The following TJP2 variants were observed in gnomAD, a reference collection of about 807,000 sequenced individuals.
TJP2 encodes tight junction protein 2, also known as Friedreich ataxia region gene X104 (tight junction protein ZO-2).
Under a neutral mutation model 133.1 loss-of-function variants are expected in TJP2, and 91 were observed. The observed-to-expected ratio is 0.68, with a 90% CI of 0.58 to 0.81. The LOEUF (loss-of-function observed/expected upper bound fraction) is 0.81, where lower values mean the gene tolerates loss of function less well. Among genes scored for constraint, TJP2 ranks in the 40% least tolerant of loss-of-function variants. The pLI is 0.00. For synonymous variants in TJP2, 592 were observed against 583.4 expected (o/e 1.01, Z -0.21); for missense variants, 1,541 against 1,565.6 (o/e 0.98, Z 0.26).
In TJP2 at chr9:69,236,096, A is replaced by C; in HGVS notation, c.1849A>C (p.Lys617Gln). Reference protein sequence around the residue: ...FFIRSHFECEKETPQSLAFTR... With the variant: ...FFIRSHFECEQETPQSLAFTR... ...TATAAGAAGCCACTTTGAATGTGAG[A>C]AGGAAACTCCACAGAGCCTGGCCTT... Residue 617 changes from lysine (K) to glutamine (Q), a missense_variant, in exon 13 of 23, where the codon AAG (lysine) becomes CAG (glutamine). By Grantham distance (53) the Lys-to-Gln change is moderately conservative. Transcript: ENST00000377245. The C allele has an allele frequency of 6.2e-7, 1 of 1,614,142 alleles. No individual in the cohort carries two copies. The highest frequency in any genetic ancestry group is 8.5e-7 in the Non-Finnish European group (1 of 1,180,016).
intron 8 of TJP2, 28 bp downstream of exon 8, chr9:69,227,901 C>T: frequency 6.2e-7 from 1 of 1,611,984 alleles, no homozygotes; most frequent in Non-Finnish European, 8.5e-7. Context: ...TTCTCTTGTA[C>T]ATGTCATTGT....
intron 6 of TJP2, among the ~76,000 whole-genome samples, chr9:69,225,634 AT>A (rs1829289363): frequency 6.6e-6 from 1 of 152,150 alleles, no homozygotes; most frequent in African/African-American, 2.4e-5. Context: ...CTCCATGAAT[AT>A]TTTCTTCTTT....
intron 2 of TJP2, among the ~76,000 whole-genome samples, chr9:69,215,918 A>G (rs1044355259): frequency 1.3e-5 from 2 of 152,184 alleles, no homozygotes; most frequent in African/African-American, 4.8e-5. Flanking sequence ...AACAAATACA[A>G]TAAGGAAATC....
At chr9:69,252,070 C>A (rs1208487917) in intron 21 of TJP2, among the ~76,000 whole-genome samples, 1 of 152,178 alleles carries the variant, frequency 6.6e-6, no homozygotes, top group African/African-American at 2.4e-5. Flanking sequence ...TCACAGCTCG[C>A]AGCAGCCTCC....
At chr9:69,154,331 C>T (rs1195874798) in intron 2 of TJP2, among the ~76,000 whole-genome samples, 4 of 152,146 alleles carry the variant, frequency 2.6e-5, no homozygotes, top group Non-Finnish European at 5.9e-5. Flanking sequence ...TGGCAATGTC[C>T]GGCGTGGGTG....
intron 4 of TJP2, 78 bp from the exon 5 acceptor site, chr9:69,220,809 C>T: frequency 7.0e-7 from 1 of 1,432,492 alleles, no homozygotes; most frequent in Non-Finnish European, 9.8e-7. Flanking sequence ...GAAACCAGAA[C>T]CAGGGCTCTT....
intron 5 of TJP2, among the ~76,000 whole-genome samples, chr9:69,223,534 C>T (rs927548314): frequency 6.6e-6 from 1 of 152,320 alleles, no homozygotes; most frequent in Non-Finnish European, 1.5e-5. Flanking sequence ...GTCTCGATCT[C>T]CTGACCTCAT....
At chr9:69,175,365 T>C (rs1417090280) in intron 1 of TJP2, among the ~76,000 whole-genome samples, 3 of 152,226 alleles carry the variant, frequency 2.0e-5, no homozygotes, top group Admixed American at 2.0e-4. Flanking sequence ...GGAGGTCGTT[T>C]TCTTCAGCTC....
At position 69,254,255 on chromosome 9, in the gene TJP2, G is replaced by T; in HGVS notation, c.3454G>T (p.Asp1152Tyr). ...GAAAGCTCCTTCCAGACCTTATCAGGATACCAGAGGAAGTTATGGCAGTGA... is the reference window on the plus strand; with the variant it reads ...GAAAGCTCCTTCCAGACCTTATCAGTATACCAGAGGAAGTTATGGCAGTGA... ...PQKAPSRPYQ[D>Y]TRGSYGSDAE... Residue 1152 changes from aspartate to tyrosine, a missense_variant, in exon 23 of 23, where the codon GAT (aspartate) becomes TAT (tyrosine). Transcript: ENST00000377245. 6.2e-7 allele frequency: 1 copy of T among 1,614,244 alleles called. No individual in the cohort carries two copies. Among genetic ancestry groups the T allele is most frequent in the African/African-American group, 1.3e-5 (1 of 75,070 alleles).
intron 3 of TJP2, among the ~76,000 whole-genome samples, chr9:69,217,944 T>A (rs1436033947): frequency 1.3e-5 from 2 of 152,168 alleles, no homozygotes; most frequent in Non-Finnish European, 2.9e-5. Context: ...AGGGGACTGA[T>A]AGAGAAATTC....
At chr9:69,191,175 G>GA (rs1027097545) in intron 1 of TJP2, among the ~76,000 whole-genome samples, 67 of 152,326 alleles carry the variant, frequency 4.4e-4, no homozygotes, top group African/African-American at 1.4e-3. Flanking sequence ...AAGGTGACCT[G>GA]ATAACAAGGG....
chr9:69,192,470 T>G (rs2133069968), intron 1 of TJP2, among the ~76,000 whole-genome samples: 1 of 152,108 alleles, frequency 6.6e-6, no homozygotes, highest in East Asian at 1.9e-4. Context: ...TGACATTGTC[T>G]GTCTCTTGGT....
intron 1 of TJP2, among the ~76,000 whole-genome samples, chr9:69,193,341 A>C (rs1826333901): frequency 6.6e-6 from 1 of 151,994 alleles, no homozygotes; most frequent in African/African-American, 2.4e-5. Context: ...AGTGGATAAT[A>C]CATCTGTTAC....
At chr9:69,240,555 A>T (rs1048820143) in intron 17 of TJP2, among the ~76,000 whole-genome samples, 2 of 152,222 alleles carry the variant, frequency 1.3e-5, no homozygotes, top group Admixed American at 6.5e-5. Context: ...ATTCCTGTCC[A>T]GCATGGTGGA....
At position 69,240,079 on chromosome 9, in the gene TJP2, A is replaced by G. The variant is rs779829736; in HGVS notation, c.2498A>G (p.Asn833Ser). The change falls in exon 17 of 23, where the codon AAC (asparagine) becomes AGC (serine). Residue 833 changes from asparagine (N) to serine (S), a missense_variant. Asn to Ser is a conservative substitution (Grantham distance 46, BLOSUM62 1). Coordinates refer to ENST00000377245, the MANE Select transcript of TJP2 (RefSeq NM_004817.4). ...AGACAAAGGTTAAATCCAACGTCCA[A>G]CAAAAGTTCTCGAAAGTTATTTGAT... Reference protein sequence around the residue: ...TMRQRLNPTSNKSSRKLFDQA... With the variant: ...TMRQRLNPTSSKSSRKLFDQA... 12 of 1,614,086 alleles carry G rather than the reference A, an allele frequency of 7.4e-6. No homozygotes were observed. Among genetic ancestry groups the G allele is most frequent in the Non-Finnish European group, 1.0e-5 (12 of 1,180,050 alleles).
At chr9:69,228,265 C>A in intron 9 of TJP2, 151 bp downstream of exon 9, 2 of 990,566 alleles carry the variant, frequency 2.0e-6, no homozygotes, top group Non-Finnish European at 3.0e-6. Context: ...AACAGAAAAC[C>A]ACACAGCACA....
intron 1 of TJP2, among the ~76,000 whole-genome samples, chr9:69,203,700 G>A (rs1397970515): frequency 1.5e-5 from 2 of 133,644 alleles, no homozygotes; most frequent in Admixed American, 8.6e-5. Flanking sequence ...TGCAACCTCC[G>A]CCTCCTGGGC....
rs1354655431 is a variant in TJP2, at chr9:69,221,383, G to A, written c.839G>A (p.Arg280Gln). 3 of 1,581,530 alleles carry A rather than the reference G, an allele frequency of 1.9e-6. No homozygotes were observed. The highest frequency in any genetic ancestry group is 1.1e-5 in the South Asian group (1 of 87,344). The change falls in exon 5 of 23, where the codon CGG becomes CAG. Residue 280 changes from arginine to glutamine, a missense_variant. By Grantham distance (43) the Arg-to-Gln change is conservative. Coordinates refer to ENST00000377245, the MANE Select transcript of TJP2 (RefSeq NM_004817.4). ...RRGARHDARS[R>Q]GPRSRSREHP... The stretch of plus-strand genomic sequence containing the variant: ...GGGGCCCGCCACGATGCCCGCTCTC[G>A]GGGACCCCGAAGCCGCAGCCGCGAG...
Position 69,174,797 on chromosome 9 carries a change from G to T in TJP2, c.60+365G>T, listed in dbSNP as rs117876260. 3.2e-3 allele frequency among the ~76,000 whole-genome samples: 485 copies of T among 152,146 alleles called. 3 individuals carry two copies. Among genetic ancestry groups the T allele is most frequent in the South Asian group, 0.019 (92 of 4,820 alleles). The stretch of plus-strand genomic sequence containing the variant: ...TCCTTCTCTATTTCAAACCACACTC[G>T]GTATTGATGCAAAGTTACAGGCTTG... On this transcript the variant is annotated intron_variant, in intron 1 of 22. Coordinates refer to ENST00000377245, the MANE Select transcript of TJP2 (RefSeq NM_004817.4).
Sources: allele counts gnomAD v4.1 joint callset (sites outside exome capture counted in the v4.1 genomes callset), GRCh38; gene constraint gnomAD v4.1.1; transcripts MANE v1.5; gene names NCBI Gene and HGNC (gene_info 2026-07-23, HGNC 2026-07-21).